Variants in BAIAP2 observed in about 807,000 individuals in gnomAD.
BAIAP2 encodes the protein BAR/IMD domain containing adaptor protein 2.
In BAIAP2, 18 loss-of-function variants were observed where a neutral mutation model predicts 63.0. That is an observed-to-expected ratio of 0.29 (90% CI 0.20 to 0.42). The LOEUF is 0.42. BAIAP2 is among the 10% of genes least tolerant of loss of function. The pLI, the probability that BAIAP2 is intolerant of heterozygous loss-of-function variation, is 1.00. For synonymous variants in BAIAP2, 386 were observed against 307.6 expected, an observed-to-expected ratio of 1.25 and a Z score of -2.67; for missense variants, 610 against 734.3, an observed-to-expected ratio of 0.83 and a Z score of 1.96.
chr17:81,108,753 C>T, intron 13 of BAIAP2: 1 of 908,286 alleles, frequency 1.1e-6, no homozygotes, highest in African/African-American at 1.7e-5. Flanking sequence ...CCCTGTCAGG[C>T]AAGGTTGGGG....
intron 3 of BAIAP2, among the ~76,000 whole-genome samples, chr17:81,071,430 G>T (rs1200230793): frequency 1.3e-5 from 2 of 152,224 alleles, no homozygotes; most frequent in African/African-American, 4.8e-5. Context: ...GGCTCTGGAA[G>T]CCACCAGGAT....
intron 13 of BAIAP2, chr17:81,110,606 C>T: frequency 8.1e-7 from 1 of 1,240,800 alleles, no homozygotes; most frequent in Non-Finnish European, 1.0e-6. Context: ...ATTTTCTCGG[C>T]ACTCAGTCGC....
rs138302299 is a variant in BAIAP2 at position 81,064,751 on chromosome 17, C to G, written c.217+6784C>G. Among the ~76,000 whole-genome samples, 9 of 152,322 alleles carry G rather than the reference C, an allele frequency of 5.9e-5. No individual in the cohort carries two copies. In the East Asian group the frequency reaches 1.7e-3, roughly 29 times the overall value. ...TGGCACACAGCTGGGGAGGCAGCCT[C>G]GGGCTTTGTGGCCTGCAGACCTCAC... On this transcript the variant is annotated intron_variant, in intron 3 of 13. Transcript: ENST00000428708.
intron 13 of BAIAP2, chr17:81,110,665 G>A (rs4072589): frequency 0.71 from 642,859 of 899,354 alleles, 231,410 homozygotes; most frequent in East Asian, 0.85. Context: ...AGTGACAGTC[G>A]CTCACTCTGC....
chr17:81,110,797 T>A, intron 13 of BAIAP2: 2 of 1,388,586 alleles, frequency 1.4e-6, no homozygotes, highest in Non-Finnish European at 2.0e-6. Context: ...GTGTGCCGAC[T>A]CCGAGTGCTC....
Position 81,115,989 on chromosome 17 carries a change from C to G in BAIAP2, c.*150C>G. On this transcript the variant is annotated 3_prime_UTR_variant, in exon 14 of 14. Coordinates refer to ENST00000428708, the MANE Select transcript of BAIAP2 (RefSeq NM_001144888.2). ...ACTTGAGTCTGGCCTGGACTGGATC[C>G]CAGCTGTTCTAGGCAGGGCCGGGCA... is the stretch of plus-strand genomic sequence containing the variant. 6.7e-7 allele frequency: 1 copy of G among 1,486,388 alleles called. No homozygotes were observed. The highest frequency in any genetic ancestry group is 1.3e-5 in the South Asian group (1 of 77,026). The allele number at this position is 1,486,388 out of a possible 1,614,324, so 92.1% of individuals were successfully genotyped here.
chr17:81,077,710 G>C (rs969272996), intron 3 of BAIAP2, among the ~76,000 whole-genome samples: 1 of 152,276 alleles, frequency 6.6e-6, no homozygotes, highest in Admixed American at 6.5e-5. Context: ...GTGGCTGTGG[G>C]AGCGGGTGCC....
chr17:81,109,568 G>A (rs2059647522), intron 13 of BAIAP2: 1 of 985,388 alleles, frequency 1.0e-6, no homozygotes, highest in Non-Finnish European at 1.2e-6. Flanking sequence ...GTGGAGGGGT[G>A]CACAGAGAAA....
chr17:81,046,802 G>A lies in BAIAP2; in HGVS notation c.55-6866G>A, dbSNP rs538319830. 2.2e-4 allele frequency among the ~76,000 whole-genome samples: 33 copies of A among 152,278 alleles called. No individual in the cohort carries two copies. The highest frequency in any genetic ancestry group is 4.0e-4 in the Non-Finnish European group (27 of 68,014). Reference sequence around the variant, plus strand: ...TCCCGTGCGCCCTTCCCTGGAGCCTGGCATCCTAGGCAGAGTCCCGTCAAG... The same window carrying A: ...TCCCGTGCGCCCTTCCCTGGAGCCTAGCATCCTAGGCAGAGTCCCGTCAAG... On this transcript the variant is annotated intron_variant, in intron 1 of 13. Transcript: ENST00000428708. The surrounding 1 kb of genome is among the most constrained non-coding windows in gnomAD (Gnocchi z 4.5).
chr17:81,063,834 G>GC (rs2051006991), intron 3 of BAIAP2: 1 of 152,334 alleles, frequency 6.6e-6, no homozygotes, highest in African/African-American at 2.4e-5. Flanking sequence ...TGTCCTTGCT[G>GC]CCCCAGGATG....
chr17:81,045,368 G>A (rs188696693), intron 1 of BAIAP2, among the ~76,000 whole-genome samples: 14 of 152,304 alleles, frequency 9.2e-5, no homozygotes, highest in South Asian at 4.1e-4. Flanking sequence ...GGGCAGAAGC[G>A]CCTGGCTCAG....
chr17:81,103,680 C>A lies in BAIAP2; in HGVS notation c.821C>A (p.Ala274Asp). Residue 274 changes from alanine (A) to aspartate (D), a missense_variant, in exon 8 of 14, where the codon GCC becomes GAC. Around this residue, in one of 5 missense-constraint regions of BAIAP2, gnomAD observed 389 missense variants for 455.6 expected, o/e 0.85. Coordinates refer to ENST00000428708, the MANE Select transcript of BAIAP2 (RefSeq NM_001144888.2). Reference sequence around the variant, plus strand: ...GTCATTTCCGACCCCATTCCGGGGGCCAAGCCCCTGCCGGTGCCCCCCGAG... The same window carrying A: ...GTCATTTCCGACCCCATTCCGGGGGACAAGCCCCTGCCGGTGCCCCCCGAG... ...NLVISDPIPG[A>D]KPLPVPPELA... The A allele has an allele frequency of 6.3e-7, 1 of 1,596,006 alleles. No individual in the cohort carries two copies.
intron 1 of BAIAP2, among the ~76,000 whole-genome samples, chr17:81,045,654 C>G (rs2047697030): frequency 6.6e-6 from 1 of 152,152 alleles, no homozygotes. Flanking sequence ...TAGGGGACAT[C>G]CCAGCCCCTC....
At position 81,067,172 on chromosome 17, in the gene BAIAP2, C is replaced by G. The variant is rs371777985; in HGVS notation, c.217+9205C>G. On this transcript the variant is annotated intron_variant, in intron 3 of 13. Coordinates refer to ENST00000428708, the MANE Select transcript of BAIAP2 (RefSeq NM_001144888.2). ...ACCTGCCTGTACCTCCCTTCCCCCC[C>G]ACACTATTCCTCCCTCCCTACAGTA... Among the ~76,000 whole-genome samples the G allele has an allele frequency of 1.5e-3, 230 of 152,374 alleles. 4 individuals carry two copies. The South Asian group carries it at 0.04, about 27-fold the overall frequency.
intron 13 of BAIAP2, 156 bp downstream of exon 13, chr17:81,108,665 G>A (rs560866657): frequency 1.0e-4 from 104 of 1,011,760 alleles, no homozygotes; most frequent in African/African-American, 3.9e-4. Context: ...CCCTTAGGGC[G>A]TCCTGCTTTC....
At chr17:81,086,627 C>T (rs1236269894) in intron 6 of BAIAP2, 47 bp downstream of exon 6, 3 of 1,606,344 alleles carry the variant, frequency 1.9e-6, no homozygotes, top group Non-Finnish European at 2.5e-6. Flanking sequence ...CACCTTGGGA[C>T]TGCTCACCCC....
intron 11 of BAIAP2, 100 bp from the exon 12 acceptor site, chr17:81,106,645 C>A: frequency 7.1e-7 from 1 of 1,407,226 alleles, no homozygotes; most frequent in African/African-American, 1.4e-5. Flanking sequence ...CCGCATGTGG[C>A]GTGGGCTAGG....
At chr17:81,096,188 C>T (rs1326191712) in intron 6 of BAIAP2, among the ~76,000 whole-genome samples, 1 of 152,196 alleles carries the variant, frequency 6.6e-6, no homozygotes, top group African/African-American at 2.4e-5. Context: ...CTGGGCCTGC[C>T]TTTTCTCAGT....
At chr17:81,051,000 T>C (rs1325703550) in intron 1 of BAIAP2, among the ~76,000 whole-genome samples, 2 of 151,878 alleles carry the variant, frequency 1.3e-5, no homozygotes, top group African/African-American at 4.8e-5. Context: ...TTCTCCTCTC[T>C]GCTGGTAACT....
Sources: gnomAD v4.1 joint callset for allele counts (sites outside exome capture counted in the v4.1 genomes callset) on GRCh38, gnomAD v4.1.1 for gene constraint, gnomAD v4.1.1 regional missense constraint, Gnocchi (gnomAD v3.1) non-coding constraint, MANE v1.5 for transcripts, NCBI Gene and HGNC (gene_info 2026-07-23, HGNC 2026-07-21) for gene names.